The following PRKAA1 variants were observed in gnomAD, a reference collection of about 807,000 sequenced individuals.
PRKAA1 encodes the protein 5'-AMP-activated protein kinase catalytic subunit alpha-1.
In PRKAA1, 23 loss-of-function variants were observed where a neutral mutation model predicts 56.9. The observed-to-expected ratio is 0.40, with a 90% CI of 0.29 to 0.57. The LOEUF (loss-of-function observed/expected upper bound fraction) is 0.57. Among genes scored for constraint, PRKAA1 ranks in the 20% least tolerant of loss-of-function variants. The probability of loss-of-function intolerance (pLI) is 0.39; values close to 1 mark genes in which losing one functional copy is unlikely to be tolerated. For missense variants in PRKAA1, 413 were observed against 679.7 expected (o/e 0.61, Z 4.36); for synonymous variants, 226 against 227.0 (o/e 1.00, Z 0.04).
In PRKAA1 at chr5:40,798,341, C is replaced by T. The variant is rs990591483; in HGVS notation, c.-152G>A. On this transcript the variant is annotated 5_prime_UTR_variant, in exon 1 of 9. Coordinates refer to ENST00000397128, the MANE Select transcript of PRKAA1 (RefSeq NM_006251.6). ...AGCCTACGTCGGGCGCAGACGCTCC[C>T]CCTGGCGGGGCGGGCGGGGGCTGCC... 21 of 367,614 alleles carry T rather than the reference C, an allele frequency of 5.7e-5. No homozygotes were observed. The highest frequency in any genetic ancestry group is 4.2e-4 in the South Asian group (4 of 9,518). The allele number at this position is 367,614 out of a possible 1,614,324, so 22.8% of individuals were successfully genotyped here.
chr5:40,789,891 A>G (rs1218983182), intron 1 of PRKAA1, among the ~76,000 whole-genome samples: 3 of 152,258 alleles, frequency 2.0e-5, no homozygotes, highest in African/African-American at 4.8e-5. Context: ...ATTGTGCCCC[A>G]TAAATATATA....
At position 40,794,520 on chromosome 5, in the gene PRKAA1, A is replaced by AC. The variant is rs1744845424; in HGVS notation, c.127+3542_127+3543insG. On this transcript the variant is annotated intron_variant, in intron 1 of 8. Transcript: ENST00000397128. ...GTCCCATCTATTTATCTTTGTTTTT[A>AC]TTGCATTTGCTTTTGGGTTCTTAGT... Among the ~76,000 whole-genome samples the AC allele has an allele frequency of 3.1e-5, 2 of 63,494 alleles. 1 individual carries two copies. The highest frequency in any genetic ancestry group is 8.9e-5 in the Non-Finnish European group (2 of 22,488). 41.7% of individuals were successfully genotyped at this position (63,494 alleles called of 152,430 possible).
At chr5:40,769,334 A>C in intron 5 of PRKAA1, 82 bp downstream of exon 5, 5 of 1,086,688 alleles carry the variant, frequency 4.6e-6, no homozygotes, top group Non-Finnish European at 6.8e-6. Flanking sequence ...ATTAGAATTA[A>C]ATATGACACT....
intron 4 of PRKAA1, among the ~76,000 whole-genome samples, chr5:40,770,979 T>A (rs1387411015): frequency 6.6e-6 from 1 of 152,006 alleles, no homozygotes; most frequent in African/African-American, 2.4e-5. Context: ...TTTAAATAAA[T>A]TTTTTTAATT....
At chr5:40,765,409 T>C (rs1415822323) in intron 6 of PRKAA1, among the ~76,000 whole-genome samples, 171 bp from the exon 7 acceptor site, 1 of 152,348 alleles carries the variant, frequency 6.6e-6, no homozygotes, top group East Asian at 1.9e-4. Flanking sequence ...ATTGTGTATG[T>C]TGAGGGAAAT....
In PRKAA1 at chr5:40,780,000, T is replaced by C. The variant is rs150316397; in HGVS notation, c.128-2414A>G. On this transcript the variant is annotated intron_variant, in intron 1 of 8. Transcript: ENST00000397128. ...AAGATAAAATACATAGCATAGCAAA[T>C]TGGCACTATGTGTGAAAGGGCAGAA... Among the ~76,000 whole-genome samples the C allele has an allele frequency of 6.1e-3, 932 of 152,240 alleles. 12 individuals carry two copies. Among genetic ancestry groups the C allele is most frequent in the African/African-American group, 0.021 (882 of 41,548 alleles).
intron 1 of PRKAA1, among the ~76,000 whole-genome samples, chr5:40,789,287 G>C (rs944213284): frequency 1.3e-5 from 2 of 152,152 alleles, no homozygotes; most frequent in Non-Finnish European, 2.9e-5. Context: ...CTAATCATAA[G>C]AGAAATGCAA....
At chr5:40,778,389 A>G (rs192239478) in intron 1 of PRKAA1, among the ~76,000 whole-genome samples, 113 of 152,372 alleles carry the variant, frequency 7.4e-4, no homozygotes, top group African/African-American at 2.5e-3. Flanking sequence ...GAGTGATTAC[A>G]TAGGAGAATA....
At chr5:40,769,534 G>T in intron 4 of PRKAA1, 31 bp from the exon 5 acceptor site, 2 of 1,502,850 alleles carry the variant, frequency 1.3e-6, no homozygotes, top group Non-Finnish European at 1.8e-6. Flanking sequence ...CTACTCAAAA[G>T]ATTTCCCAAA....
intron 1 of PRKAA1, among the ~76,000 whole-genome samples, chr5:40,797,667 G>A (rs934625067): frequency 2.6e-5 from 4 of 152,254 alleles, no homozygotes; most frequent in African/African-American, 9.6e-5. Flanking sequence ...CTGGCCCTGA[G>A]CCAAGGGAGC....
At position 40,797,560 on chromosome 5, in the gene PRKAA1, T is replaced by C. The variant is rs154269; in HGVS notation, c.127+503A>G. 1.1e-3 allele frequency among the ~76,000 whole-genome samples: 169 copies of C among 152,230 alleles called. 1 individual carries two copies. The East Asian group carries it at 0.027, about 25-fold the overall frequency. ...GAAACCTTACTTCTGCGGAAACACATTTCGCACTCGGGAAACAGCAGGGGC... is the reference window on the plus strand; with the variant it reads ...GAAACCTTACTTCTGCGGAAACACACTTCGCACTCGGGAAACAGCAGGGGC... On this transcript the variant is annotated intron_variant, in intron 1 of 8. Coordinates refer to ENST00000397128, the MANE Select transcript of PRKAA1 (RefSeq NM_006251.6).
chr5:40,782,718 C>T (rs1744311570), intron 1 of PRKAA1, among the ~76,000 whole-genome samples: 1 of 151,820 alleles, frequency 6.6e-6, no homozygotes, highest in Admixed American at 6.6e-5. Flanking sequence ...ATAGAACACA[C>T]AACAAAAAAT....
At chr5:40,770,480 A>G (rs143609014) in intron 4 of PRKAA1, among the ~76,000 whole-genome samples, 1 of 152,132 alleles carries the variant, frequency 6.6e-6, no homozygotes, top group Non-Finnish European at 1.5e-5. Flanking sequence ...AACAAACAAA[A>G]AAAAGTTATC....
intron 6 of PRKAA1, among the ~76,000 whole-genome samples, chr5:40,765,985 G>A (rs1330597698): frequency 6.6e-6 from 1 of 151,730 alleles, no homozygotes; most frequent in Non-Finnish European, 1.5e-5. Flanking sequence ...TTATCTTCTG[G>A]GTCATGGGAT....
intron 5 of PRKAA1, among the ~76,000 whole-genome samples, 199 bp from the exon 6 acceptor site, chr5:40,767,889 A>G (rs1743541186): frequency 6.6e-6 from 1 of 152,156 alleles, no homozygotes; most frequent in Non-Finnish European, 1.5e-5. Flanking sequence ...ATTACACACC[A>G]TGGCTAAAAT....
chr5:40,765,536 T>C (rs1743388729), intron 6 of PRKAA1, among the ~76,000 whole-genome samples: 1 of 152,122 alleles, frequency 6.6e-6, no homozygotes, highest in South Asian at 2.1e-4. Flanking sequence ...ATTTCCAGCT[T>C]AGAAAGAGAA....
chr5:40,785,843 G>C (rs1469906018), intron 1 of PRKAA1, among the ~76,000 whole-genome samples: 1 of 15,220 alleles, frequency 6.6e-5, no homozygotes, highest in East Asian at 3.9e-3. Context: ...CACACACAGA[G>C]AGAGAGAGAG....
chr5:40,777,630 A>G, intron 1 of PRKAA1, 44 bp from the exon 2 acceptor site: 1 of 1,528,194 alleles, frequency 6.5e-7, no homozygotes, highest in Middle Eastern at 1.7e-4. Context: ...AGTATGATTA[A>G]TAATATATTT....
At chr5:40,769,304 C>A in intron 5 of PRKAA1, 112 bp downstream of exon 5, 1 of 838,572 alleles carries the variant, frequency 1.2e-6, no homozygotes, top group Non-Finnish European at 1.9e-6. Context: ...TAAGAATAAG[C>A]CTTATCTTTC....
Sources: gnomAD v4.1 joint callset for allele counts (sites outside exome capture counted in the v4.1 genomes callset) on GRCh38, gnomAD v4.1.1 for gene constraint, MANE v1.5 for transcripts, NCBI Gene and HGNC (gene_info 2026-07-23, HGNC 2026-07-21) for gene names.